Variants in DIP2B observed in about 807,000 individuals in gnomAD.
DIP2B encodes the protein disco-interacting protein 2 homolog B.
In DIP2B, 76 loss-of-function variants were observed where a neutral mutation model predicts 198.0. That is an observed-to-expected ratio of 0.38 (90% confidence interval 0.32 to 0.46). The LOEUF is 0.46. DIP2B is among the 20% of genes least tolerant of loss of function. The pLI, the probability that DIP2B is intolerant of heterozygous loss-of-function variation, is 0.99. For synonymous variants in DIP2B, 701 were observed against 739.1 expected, an observed-to-expected ratio of 0.95 and a Z score of 0.84; for missense variants, 1,559 against 1,978.4, an observed-to-expected ratio of 0.79 and a Z score of 4.02.
chr12:50,584,124 G>A (rs1426309193), intron 1 of DIP2B, among the ~76,000 whole-genome samples: 2 of 152,212 alleles, frequency 1.3e-5, no homozygotes, highest in African/African-American at 4.8e-5. Flanking sequence ...CACTTCCATG[G>A]CTTTAAATGC....
chr12:50,525,139 C>T (rs937818391), intron 1 of DIP2B, among the ~76,000 whole-genome samples: 9 of 152,036 alleles, frequency 5.9e-5, no homozygotes, highest in South Asian at 4.1e-4. Flanking sequence ...GGGCAGATCA[C>T]GAGGTCAGGA....
In DIP2B at chr12:50,731,450, C is replaced by T; in HGVS notation, c.3723C>T (p.Asn1241=). The T allele has an allele frequency of 6.2e-7, 1 of 1,614,134 alleles. No individual in the cohort carries two copies. Among genetic ancestry groups the T allele is most frequent in the Middle Eastern group, 1.7e-4 (1 of 6,060 alleles). Residue 1241 remains asparagine, a synonymous_variant, in exon 31 of 38, where the codon AAC becomes AAT. Transcript: ENST00000301180. ...NNLFLWLSTV[N]QYKIRDTFCS... ...TTTTCCTCTGGCTCTCCACAGTCAA[C>T]CAGTACAAAATAAGGGACACTTTCT... is the stretch of plus-strand genomic sequence containing the variant.
chr12:50,630,172 T>C (rs888231681), intron 2 of DIP2B, among the ~76,000 whole-genome samples: 1 of 152,052 alleles, frequency 6.6e-6, no homozygotes, highest in African/African-American at 2.4e-5. Context: ...ATAGTCTCCA[T>C]CACTTGACCT....
At chr12:50,592,627 G>A (rs1010726801) in intron 1 of DIP2B, among the ~76,000 whole-genome samples, 6 of 151,984 alleles carry the variant, frequency 3.9e-5, no homozygotes, top group Admixed American at 3.9e-4. Flanking sequence ...ACAGGCACAC[G>A]CCACTACGCC....
intron 1 of DIP2B, among the ~76,000 whole-genome samples, chr12:50,519,001 C>T (rs1014845624): frequency 6.6e-6 from 1 of 152,156 alleles, no homozygotes; most frequent in African/African-American, 2.4e-5. Context: ...GCCTTGGCTG[C>T]CCAAAGTTCT....
At chr12:50,689,133 C>T (rs1939180253) in intron 12 of DIP2B, among the ~76,000 whole-genome samples, 1 of 152,144 alleles carries the variant, frequency 6.6e-6, no homozygotes, top group Non-Finnish European at 1.5e-5. Flanking sequence ...CGCAGTGGCT[C>T]ACCCCTATTA....
chr12:50,743,303 G>T (rs1940288301), intron 37 of DIP2B, among the ~76,000 whole-genome samples: 1 of 152,138 alleles, frequency 6.6e-6, no homozygotes, highest in Non-Finnish European at 1.5e-5. Flanking sequence ...GGCTAGTCTT[G>T]AATTCCTGAC....
chr12:50,702,734 T>A (rs368705451), intron 19 of DIP2B, among the ~76,000 whole-genome samples: 1 of 40,624 alleles, frequency 2.5e-5, no homozygotes, highest in Admixed American at 5.0e-4. Context: ...CCTCATCTCT[T>A]AAAAAAAAAA....
In DIP2B at chr12:50,731,606, G is replaced by A. The variant is rs1246608980; in HGVS notation, c.3810+69G>A. 6 of 1,516,742 alleles carry A rather than the reference G, an allele frequency of 4.0e-6. No individual in the cohort carries two copies. In the African/African-American group the frequency reaches 8.3e-5, roughly 21 times the overall value. 94.0% of individuals were successfully genotyped at this position (1,516,742 alleles called of 1,614,324 possible). Reference sequence around the variant, plus strand: ...AAGAAATGCGCCAGGACGTAACAGGGCCAGAGCAGGGGCTAACAGACATGT... The same window carrying A: ...AAGAAATGCGCCAGGACGTAACAGGACCAGAGCAGGGGCTAACAGACATGT... On this transcript the variant is annotated intron_variant, in intron 31 of 37. Transcript: ENST00000301180.
At chr12:50,682,551 C>A (rs1379563884) in intron 9 of DIP2B, among the ~76,000 whole-genome samples, 2 of 150,744 alleles carry the variant, frequency 1.3e-5, no homozygotes, top group Non-Finnish European at 2.9e-5. Context: ...ATGGCGTGAA[C>A]CCAGGAGGCG....
intron 1 of DIP2B, among the ~76,000 whole-genome samples, chr12:50,583,187 A>G (rs1958740661): frequency 6.6e-6 from 1 of 152,192 alleles, no homozygotes; most frequent in African/African-American, 2.4e-5. Flanking sequence ...CTTTTCCTCA[A>G]ACCCACACAC....
chr12:50,628,562 G>T (rs540349254), intron 2 of DIP2B, among the ~76,000 whole-genome samples: 4 of 152,030 alleles, frequency 2.6e-5, no homozygotes, highest in African/African-American at 9.6e-5. Flanking sequence ...CATCTCTATC[G>T]TACAGTCATT....
At chr12:50,566,626 A>G (rs1468749927) in intron 1 of DIP2B, among the ~76,000 whole-genome samples, 1 of 151,922 alleles carries the variant, frequency 6.6e-6, no homozygotes, top group South Asian at 2.1e-4. Flanking sequence ...AGTGTCTCAC[A>G]GGTCTCTGAG....
intron 1 of DIP2B, among the ~76,000 whole-genome samples, chr12:50,550,924 G>C (rs1248763997): frequency 6.6e-6 from 1 of 152,072 alleles, no homozygotes; most frequent in Non-Finnish European, 1.5e-5. Flanking sequence ...AGGAGTTCAA[G>C]ACCAGCCTGG....
intron 23 of DIP2B, among the ~76,000 whole-genome samples, chr12:50,716,481 T>C (rs1939718442): frequency 6.6e-6 from 1 of 152,120 alleles, no homozygotes; most frequent in African/African-American, 2.4e-5. Flanking sequence ...TGAGCCAAGA[T>C]TGTGCCACTG....
intron 36 of DIP2B, 21 bp from the exon 37 acceptor site, chr12:50,741,395 C>T: frequency 3.7e-6 from 6 of 1,611,940 alleles, no homozygotes; most frequent in Non-Finnish European, 5.1e-6. Context: ...AGCCACATTT[C>T]TCTCTTTTTC....
Position 50,640,992 on chromosome 12 carries a change from T to C in DIP2B, c.301+140T>C, listed in dbSNP as rs548221853. 9.8e-5 allele frequency: 107 copies of C among 1,096,362 alleles called. No individual in the cohort carries two copies. In the African/African-American group the frequency reaches 1.4e-3, roughly 15 times the overall value. 67.9% of individuals were successfully genotyped at this position (1,096,362 alleles called of 1,614,324 possible). Reference sequence around the variant, plus strand: ...TTTATATTAACTCATTCACCAATCATTTATTTTGTACCCTACTATGTATCA... The same window carrying C: ...TTTATATTAACTCATTCACCAATCACTTATTTTGTACCCTACTATGTATCA... On this transcript the variant is annotated intron_variant, in intron 3 of 37. Transcript: ENST00000301180.
At chr12:50,542,752 C>G (rs1338858048) in intron 1 of DIP2B, among the ~76,000 whole-genome samples, 11 of 152,338 alleles carry the variant, frequency 7.2e-5, no homozygotes, top group African/African-American at 1.9e-4. Flanking sequence ...TATGATTACA[C>G]TGTTTCTCGT....
At chr12:50,632,127 T>A (rs10876073) in intron 2 of DIP2B, among the ~76,000 whole-genome samples, 43,303 of 151,890 alleles carry the variant, frequency 0.29, 6,394 homozygotes, top group East Asian at 0.36. Context: ...TACCACACCC[T>A]GCCTAGTTTG....
Sources: allele counts gnomAD v4.1 joint callset (sites outside exome capture counted in the v4.1 genomes callset), GRCh38; gene constraint gnomAD v4.1.1; transcripts MANE v1.5; gene names NCBI Gene and HGNC (gene_info 2026-07-23, HGNC 2026-07-21).